TELO2: variants seen among roughly 807,000 people sequenced by gnomAD.
The protein encoded by TELO2 is telomere length regulation protein TEL2 homolog.
TELO2 carries 71 observed loss-of-function variants against 91.0 expected under a neutral mutation model. The observed-to-expected ratio is 0.78, with a 90% CI of 0.64 to 0.95. The LOEUF (loss-of-function observed/expected upper bound fraction) is 0.95. TELO2 is among the 40% of genes least tolerant of loss of function. The probability of loss-of-function intolerance (pLI) is 0.00; values close to 1 mark genes in which losing one functional copy is unlikely to be tolerated. For synonymous variants in TELO2, 584 were observed against 518.9 expected (o/e 1.13, Z -1.71); for missense variants, 1,183 against 1,141.3 (o/e 1.04, Z -0.53).
intron 15 of TELO2, among the ~76,000 whole-genome samples, chr16:1,503,687 G>A (rs887405538): frequency 1.3e-5 from 2 of 152,206 alleles, no homozygotes; most frequent in Non-Finnish European, 2.9e-5. Flanking sequence ...GAGAGCGGAC[G>A]GGGCTGCCGG....
chr16:1,505,424 T>C lies in TELO2; in HGVS notation c.1857T>C (p.Ala619=), dbSNP rs2141062267. Residue 619 remains alanine, a synonymous_variant, in exon 16 of 21, where the codon GCT becomes GCC. Transcript: ENST00000262319. The surrounding 1 kb of genome is among the most constrained non-coding windows in gnomAD (Gnocchi z 4.3). ...RMDILDVLTL[A]AQELSRPGCL... is the part of the protein sequence containing the mutation. The stretch of plus-strand genomic sequence containing the variant: ...TCTCCCTCCAGGTGCTGACTCTGGC[T>C]GCCCAGGAGCTGTCTAGGCCTGGGT... 1 of 1,610,046 alleles carries C rather than the reference T, an allele frequency of 6.2e-7. No homozygotes were observed.
In TELO2 at chr16:1,497,572, A is replaced by T; in HGVS notation, c.830+64A>T. Reference sequence around the variant, plus strand: ...GGGGTCTGGACCCCCAGAGGCTGCCATTCCTTCACGCTACTTCTCCTGGGC... The same window carrying T: ...GGGGTCTGGACCCCCAGAGGCTGCCTTTCCTTCACGCTACTTCTCCTGGGC... On this transcript the variant is annotated intron_variant, in intron 5 of 20. Transcript: ENST00000262319. The surrounding 1 kb of genome is among the most constrained non-coding windows in gnomAD (Gnocchi z 4.0). The T allele has an allele frequency of 6.7e-7, 1 of 1,487,054 alleles. No homozygotes were observed. The allele number at this position is 1,487,054 out of a possible 1,614,324, so 92.1% of individuals were successfully genotyped here. A position where few individuals can be genotyped will look rare whatever the true frequency, so the allele number is the denominator to read the frequency against.
intron 17 of TELO2, 109 bp downstream of exon 17, chr16:1,506,438 G>A (rs2039895870): frequency 1.3e-6 from 2 of 1,587,612 alleles, no homozygotes; most frequent in African/African-American, 1.3e-5. Context: ...GTGTGAACAG[G>A]GTCGTGCTTT....
chr16:1,501,396 G>A (rs369226602), intron 9 of TELO2, 24 bp from the exon 10 acceptor site: 38 of 1,608,846 alleles, frequency 2.4e-5, no homozygotes, highest in Middle Eastern at 1.7e-4. Flanking sequence ...GGCGGATGCC[G>A]CTGAGCCTGC....
intron 20 of TELO2, among the ~76,000 whole-genome samples, chr16:1,508,202 G>A (rs1488219238): frequency 6.6e-6 from 1 of 152,026 alleles, no homozygotes; most frequent in Non-Finnish European, 1.5e-5. Flanking sequence ...GCACAATCTT[G>A]GCTCACTGCG....
Position 1,505,647 on chromosome 16 carries a change from TGGGTGGG to T in TELO2, c.2034+47_2034+53del. The T allele has an allele frequency of 2.6e-6, 2 of 768,034 alleles. No homozygotes were observed. The highest frequency in any genetic ancestry group is 1.4e-5 in the South Asian group (1 of 71,008). The allele number at this position is 768,034 out of a possible 1,614,324, so 47.6% of individuals were successfully genotyped here. On this transcript the variant is annotated intron_variant, in intron 16 of 20. Transcript: ENST00000262319. This position sits in a 1 kb window ranked among gnomAD's most constrained non-coding sequence, Gnocchi z 4.3. ...TCCTCACGGGCATGGGGACCGTGGG[TGGGTGGG>T]AAGGGCGGTCAGACACCTCCAGGCG...
At chr16:1,508,527 C>A (rs746851067) in intron 20 of TELO2, among the ~76,000 whole-genome samples, 4 of 152,208 alleles carry the variant, frequency 2.6e-5, no homozygotes, top group Admixed American at 2.6e-4. Flanking sequence ...TCGGTTTCCA[C>A]GTTTGTCAGG....
Position 1,493,830 on chromosome 16 carries a change from G to A in TELO2, c.-37+225G>A, listed in dbSNP as rs1236935269. On this transcript the variant is annotated intron_variant, in intron 1 of 20. Coordinates refer to ENST00000262319, the MANE Select transcript of TELO2 (RefSeq NM_016111.4). The surrounding 1 kb of genome is among the most constrained non-coding windows in gnomAD (Gnocchi z 4.3). ...CTAAGGGGCGGAGGAATGGCGACTG[G>A]AGCCACCTCTCACCGCTCAGGGAGC... Among the ~76,000 whole-genome samples, 1 of 152,220 alleles carries A rather than the reference G, an allele frequency of 6.6e-6. No individual in the cohort carries two copies. Among genetic ancestry groups the A allele is most frequent in the Non-Finnish European group, 1.5e-5 (1 of 68,030 alleles).
intron 3 of TELO2, 41 bp from the exon 4 acceptor site, chr16:1,496,995 T>C (rs767491953): frequency 6.2e-7 from 1 of 1,603,822 alleles, no homozygotes; most frequent in Non-Finnish European, 8.5e-7. Flanking sequence ...CTTTTGTGCC[T>C]TCCCGCCGGC....
chr16:1,494,136 G>A lies in TELO2; in HGVS notation c.-36-110G>A. ...GGGGAAGGAGGCGGGACAGGGTTGG[G>A]TGGGACCAGGGTTGAGGGGTGTGGG... is the stretch of plus-strand genomic sequence containing the variant. On this transcript the variant is annotated intron_variant, in intron 1 of 20. Coordinates refer to ENST00000262319, the MANE Select transcript of TELO2 (RefSeq NM_016111.4). The surrounding 1 kb of genome is among the most constrained non-coding windows in gnomAD (Gnocchi z 5.6). 1.4e-6 allele frequency: 1 copy of A among 705,156 alleles called. No individual in the cohort carries two copies. The highest frequency in any genetic ancestry group is 2.3e-6 in the Non-Finnish European group (1 of 427,348). The allele number at this position is 705,156 out of a possible 1,614,324, so 43.7% of individuals were successfully genotyped here.
intron 9 of TELO2, 138 bp from the exon 10 acceptor site, chr16:1,501,282 C>T (rs2039666554): frequency 2.3e-6 from 2 of 873,772 alleles, no homozygotes; most frequent in East Asian, 2.7e-5. Flanking sequence ...TAAAAAGACA[C>T]CTGGCTATCC....
chr16:1,501,801 G>C, intron 11 of TELO2, 28 bp downstream of exon 11: 1 of 1,593,840 alleles, frequency 6.3e-7, no homozygotes, highest in Non-Finnish European at 8.5e-7. Flanking sequence ...CCAGTGGGCA[G>C]CGTGCAGGAG....
chr16:1,495,868 C>T lies in TELO2; in HGVS notation c.613+245C>T, dbSNP rs1400612259. ...AGTCCCTTGGGTTTCCAGGGCCCAA[C>T]TGTGCTGTGGTGGCCAGGTGGGGGA... On this transcript the variant is annotated intron_variant, in intron 3 of 20. Transcript: ENST00000262319. Among the ~76,000 whole-genome samples, 5 of 152,360 alleles carry T rather than the reference C, an allele frequency of 3.3e-5. No homozygotes were observed. The East Asian group carries it at 9.7e-4, about 29-fold the overall frequency.
At position 1,506,323 on chromosome 16, in the gene TELO2, T is replaced by G; in HGVS notation, c.2120T>G (p.Phe707Cys). The part of the protein sequence containing the change: ...GHFFFPLLQR[F>C]DRPLVTFDLL... ...TTCTTCTTCCCCCTCCTTCAGCGCT[T>G]TGACAGGTGAGTGGGTTTTCCGTGG... The change falls in exon 17 of 21, where the codon TTT (phenylalanine) becomes TGT (cysteine). Residue 707 changes from phenylalanine (F) to cysteine (C), a missense_variant. Transcript: ENST00000262319. 1 of 1,612,964 alleles carries G rather than the reference T, an allele frequency of 6.2e-7. No homozygotes were observed. The highest frequency in any genetic ancestry group is 8.5e-7 in the Non-Finnish European group (1 of 1,179,370).
Position 1,499,292 on chromosome 16 carries a change from G to C in TELO2, c.892G>C (p.Val298Leu), listed in dbSNP as rs1213560104. 6.2e-7 allele frequency: 1 copy of C among 1,614,086 alleles called. No individual in the cohort carries two copies. Among genetic ancestry groups the C allele is most frequent in the South Asian group, 1.1e-5 (1 of 91,080 alleles). ...LVVKNKKAQFVMTQKLLFLQS... is the reference protein window; with the variant it reads ...LVVKNKKAQFLMTQKLLFLQS... ...GGTGAAGAACAAGAAGGCCCAGTTTGTGATGACCCAGAAGCTTCTGTTCTT... is the reference window on the plus strand; with the variant it reads ...GGTGAAGAACAAGAAGGCCCAGTTTCTGATGACCCAGAAGCTTCTGTTCTT... Residue 298 changes from valine to leucine, a missense_variant, in exon 6 of 21, where the codon GTG becomes CTG. Physicochemically the swap from Val to Leu is conservative, Grantham distance 32. Transcript: ENST00000262319.
chr16:1,505,427 C>T lies in TELO2; in HGVS notation c.1860C>T (p.Ala620=), dbSNP rs142808166. 2.5e-6 allele frequency: 4 copies of T among 1,611,228 alleles called. No individual in the cohort carries two copies. The African/African-American group carries it at 4.0e-5, about 16-fold the overall frequency. Residue 620 remains alanine, a synonymous_variant, in exon 16 of 21, where the codon GCC becomes GCT. Transcript: ENST00000262319. This position sits in a 1 kb window ranked among gnomAD's most constrained non-coding sequence, Gnocchi z 4.3. ...CCCTCCAGGTGCTGACTCTGGCTGCCCAGGAGCTGTCTAGGCCTGGGTGCC... is the reference window on the plus strand; with the variant it reads ...CCCTCCAGGTGCTGACTCTGGCTGCTCAGGAGCTGTCTAGGCCTGGGTGCC... ...MDILDVLTLA[A]QELSRPGCLG...
In TELO2 at chr16:1,507,387, G is replaced by A. The variant is rs777567547; in HGVS notation, c.2291+17G>A. ...CATCGATGCGTGAGTGGCCTGTGGGGCTGGGCCAGGCCAGGGGTGCAGGCA... is the reference window on the plus strand; with the variant it reads ...CATCGATGCGTGAGTGGCCTGTGGGACTGGGCCAGGCCAGGGGTGCAGGCA... On this transcript the variant is annotated intron_variant, in intron 19 of 20. Transcript: ENST00000262319. 1 of 1,608,948 alleles carries A rather than the reference G, an allele frequency of 6.2e-7. No individual in the cohort carries two copies. The highest frequency in any genetic ancestry group is 8.5e-7 in the Non-Finnish European group (1 of 1,179,804).
intron 3 of TELO2, 143 bp downstream of exon 3, chr16:1,495,766 C>T (rs1262624923): frequency 4.9e-6 from 6 of 1,219,614 alleles, no homozygotes; most frequent in East Asian, 5.0e-5. Context: ...CCCTGTCCCG[C>T]ACAGTAGTGA....
In TELO2 at chr16:1,502,050, T is replaced by G. The variant is rs2039707751; in HGVS notation, c.1476T>G (p.Asp492Glu). Residue 492 changes from aspartate to glutamate, a missense_variant, in exon 12 of 21, where the codon GAT becomes GAG. Asp to Glu is a conservative substitution (Grantham distance 45, BLOSUM62 2). Coordinates refer to ENST00000262319, the MANE Select transcript of TELO2 (RefSeq NM_016111.4). ...LAGSDSDLDS[D>E]DEFVPYDMSG... is the part of the protein sequence containing the mutation. ...TGTCTGCTTTGCTCTCCCACAGCGA[T>G]GATGAGTTTGTCCCCTACGACATGT... 1 of 1,613,284 alleles carries G rather than the reference T, an allele frequency of 6.2e-7. No individual in the cohort carries two copies. Among genetic ancestry groups the G allele is most frequent in the African/African-American group, 1.3e-5 (1 of 75,062 alleles).
Sources: gnomAD v4.1 joint callset for allele counts (sites outside exome capture counted in the v4.1 genomes callset) on GRCh38, gnomAD v4.1.1 for gene constraint, Gnocchi (gnomAD v3.1) non-coding constraint, MANE v1.5 for transcripts, NCBI Gene and HGNC (gene_info 2026-07-23, HGNC 2026-07-21) for gene names.